Variants in KCNIP4 observed in about 807,000 individuals in gnomAD.
KCNIP4 encodes potassium voltage-gated channel interacting protein 4, also known as Kv channel-interacting protein 4.
In KCNIP4, 12 loss-of-function variants were observed where a neutral mutation model predicts 34.0. The ratio of observed to expected loss-of-function variants is 0.35; its 90% CI spans 0.23 to 0.57. The LOEUF is 0.57. KCNIP4 is among the 20% of genes least tolerant of loss of function. The pLI, the probability that KCNIP4 is intolerant of heterozygous loss-of-function variation, is 0.83. For synonymous variants in KCNIP4, 124 were observed against 102.2 expected, an observed-to-expected ratio of 1.21 and a Z score of -1.29; for missense variants, 238 against 311.7, an observed-to-expected ratio of 0.76 and a Z score of 1.78.
At chr4:21,536,050 C>G (rs1353752838) in intron 1 of KCNIP4, among the ~76,000 whole-genome samples, 3 of 152,098 alleles carry the variant, frequency 2.0e-5, no homozygotes, top group African/African-American at 2.4e-5. Flanking sequence ...GACAGTGATT[C>G]CTGGAGACTC....
intron 1 of KCNIP4, among the ~76,000 whole-genome samples, chr4:21,332,811 G>C (rs771039697): frequency 2.6e-5 from 4 of 151,974 alleles, no homozygotes; most frequent in African/African-American, 4.8e-5. Flanking sequence ...CTTAAAATGT[G>C]TACTATATCA....
chr4:21,206,991 T>C (rs1756896075), intron 1 of KCNIP4, among the ~76,000 whole-genome samples: 1 of 152,218 alleles, frequency 6.6e-6, no homozygotes, highest in Non-Finnish European at 1.5e-5. Context: ...AAAATGTTTT[T>C]GGCAGATGAT....
At position 21,177,929 on chromosome 4, in the gene KCNIP4, C is replaced by T. The variant is rs941869539; in HGVS notation, c.62-295220G>A. ...TTAAACAAAGTTTGCAATAATTTAT[C>T]CCCCATGTTTTACAGGTTATTATAC... is the stretch of plus-strand genomic sequence containing the variant. On this transcript the variant is annotated intron_variant, in intron 1 of 8. Transcript: ENST00000382152. Among the ~76,000 whole-genome samples the T allele has an allele frequency of 2.0e-5, 3 of 150,682 alleles. No individual in the cohort carries two copies. In the East Asian group the frequency reaches 5.8e-4, roughly 29 times the overall value.
In KCNIP4 at chr4:21,352,673, C is replaced by G. The variant is rs181698113; in HGVS notation, c.62-469964G>C. ...CACAGCTCAGCAAGGCCTGCTGCCT[C>G]TATAGATTCCACCTCTGTGGACAGG... On this transcript the variant is annotated intron_variant, in intron 1 of 8. Transcript: ENST00000382152. 6.8e-4 allele frequency among the ~76,000 whole-genome samples: 104 copies of G among 152,372 alleles called. No individual in the cohort carries two copies. The East Asian group carries it at 0.02, about 29-fold the overall frequency.
rs148069802 is a variant in KCNIP4 at position 20,766,426 on chromosome 4, C to T, written c.289-7536G>A. Among the ~76,000 whole-genome samples, 142 of 152,144 alleles carry T rather than the reference C, an allele frequency of 9.3e-4. 1 individual carries two copies. The highest frequency in any genetic ancestry group is 7.3e-3 in the Admixed American group (111 of 15,262). On this transcript the variant is annotated intron_variant, in intron 3 of 8. Coordinates refer to ENST00000382152, the MANE Select transcript of KCNIP4 (RefSeq NM_025221.6). ...ACTAAAAATACAAAAATTAGCCAGG[C>T]GTGGTGGCACATGCCTATAATCTGA...
At chr4:21,141,881 C>T (rs148703754) in intron 1 of KCNIP4, among the ~76,000 whole-genome samples, 1 of 151,416 alleles carries the variant, frequency 6.6e-6, no homozygotes, top group Non-Finnish European at 1.5e-5. Context: ...AAAAAAAACC[C>T]TGGCTCAAGT....
chr4:21,588,979 A>T, intron 1 of KCNIP4, among the ~76,000 whole-genome samples: 1 of 151,186 alleles, frequency 6.6e-6, no homozygotes, highest in East Asian at 2.0e-4. Context: ...TCCTACTCTG[A>T]GCCTGGTGCC....
At position 20,868,665 on chromosome 4, in the gene KCNIP4, A is replaced by C. The variant is rs1723110280; in HGVS notation, c.163+13943T>G. 2.0e-5 allele frequency among the ~76,000 whole-genome samples: 3 copies of C among 152,174 alleles called. No individual in the cohort carries two copies. In the South Asian group the frequency reaches 6.2e-4, roughly 32 times the overall value. On this transcript the variant is annotated intron_variant, in intron 2 of 8. Coordinates refer to ENST00000382152, the MANE Select transcript of KCNIP4 (RefSeq NM_025221.6). Reference sequence around the variant, plus strand: ...ATGAAATACTATGCAGCCATTAAAAAAGAAGGAAATCTTGTCCTTTCAGCA... The same window carrying C: ...ATGAAATACTATGCAGCCATTAAAACAGAAGGAAATCTTGTCCTTTCAGCA...
At chr4:20,794,708 G>A (rs1392532231) in intron 3 of KCNIP4, among the ~76,000 whole-genome samples, 1 of 152,020 alleles carries the variant, frequency 6.6e-6, no homozygotes, top group Non-Finnish European at 1.5e-5. Flanking sequence ...TCTCTGTGTG[G>A]GTTATGCGAT....
intron 1 of KCNIP4, among the ~76,000 whole-genome samples, chr4:20,901,202 T>C (rs1727120333): frequency 6.6e-6 from 1 of 152,214 alleles, no homozygotes; most frequent in South Asian, 2.1e-4. Flanking sequence ...TCCTATGAGA[T>C]AAGCATGAAA....
chr4:21,112,894 C>T (rs1045905607), intron 1 of KCNIP4, among the ~76,000 whole-genome samples: 3 of 151,902 alleles, frequency 2.0e-5, no homozygotes, highest in Admixed American at 1.3e-4. Context: ...AGGAAAAATC[C>T]AGTCTCATCC....
chr4:20,967,581 T>C (rs1325653742), intron 1 of KCNIP4, among the ~76,000 whole-genome samples: 1 of 151,974 alleles, frequency 6.6e-6, no homozygotes, highest in South Asian at 2.1e-4. Flanking sequence ...CCAAAACACA[T>C]ATATAGACCA....
intron 3 of KCNIP4, among the ~76,000 whole-genome samples, chr4:20,768,054 TC>T (rs1755565583): frequency 6.6e-6 from 1 of 152,216 alleles, no homozygotes; most frequent in South Asian, 2.1e-4. Context: ...AGGAGAATTT[TC>T]AAAATTTAAA....
intron 1 of KCNIP4, among the ~76,000 whole-genome samples, chr4:21,006,723 G>C (rs1319709819): frequency 6.6e-6 from 1 of 152,154 alleles, no homozygotes; most frequent in East Asian, 1.9e-4. Flanking sequence ...CCAGGACATG[G>C]GGCAGGGAAT....
intron 1 of KCNIP4, among the ~76,000 whole-genome samples, chr4:21,361,591 C>A (rs1227438780): frequency 6.6e-6 from 1 of 151,882 alleles, no homozygotes; most frequent in African/African-American, 2.4e-5. Context: ...CAATTAGGAA[C>A]AAGTGGTTCT....
chr4:21,009,173 A>T (rs1051367142), intron 1 of KCNIP4, among the ~76,000 whole-genome samples: 2 of 152,204 alleles, frequency 1.3e-5, no homozygotes, highest in African/African-American at 4.8e-5. Flanking sequence ...TACACACACT[A>T]TTACATACAT....
At chr4:21,501,913 C>G (rs1733390148) in intron 1 of KCNIP4, among the ~76,000 whole-genome samples, 1 of 151,790 alleles carries the variant, frequency 6.6e-6, no homozygotes, top group Admixed American at 6.6e-5. Context: ...CTCCATAGCT[C>G]TCTGTCACTC....
chr4:21,329,547 AAC>A (rs1715415768), intron 1 of KCNIP4, among the ~76,000 whole-genome samples: 1 of 152,162 alleles, frequency 6.6e-6, no homozygotes, highest in South Asian at 2.1e-4. Flanking sequence ...AAAACTTTCA[AAC>A]ACACAGTTCC....
At chr4:21,484,668 A>G (rs998194288) in intron 1 of KCNIP4, among the ~76,000 whole-genome samples, 2 of 152,174 alleles carry the variant, frequency 1.3e-5, no homozygotes, top group Non-Finnish European at 2.9e-5. Context: ...CTCATTGTTT[A>G]TATGTTTAGC....
Sources: allele counts gnomAD v4.1 joint callset (sites outside exome capture counted in the v4.1 genomes callset), GRCh38; gene constraint gnomAD v4.1.1; transcripts MANE v1.5; gene names NCBI Gene and HGNC (gene_info 2026-07-23, HGNC 2026-07-21).